The following DCC variants were observed in gnomAD, a reference collection of about 807,000 sequenced individuals.
DCC encodes the protein DCC netrin 1 receptor, also known as netrin receptor DCC.
In DCC, 58 loss-of-function variants were observed where a neutral mutation model predicts 172.5. The ratio of observed to expected loss-of-function variants is 0.34; its 90% CI spans 0.27 to 0.42. The LOEUF is 0.42. DCC is among the 10% of genes least tolerant of loss of function. DCC has a pLI of 1.00. For missense variants in DCC, 1,740 were observed against 1,791.0 expected, an observed-to-expected ratio of 0.97 and a Z score of 0.51; for synonymous variants, 709 against 644.5, an observed-to-expected ratio of 1.10 and a Z score of -1.52.
chr18:52,717,258 T>C (rs760375803), intron 1 of DCC, among the ~76,000 whole-genome samples: 19 of 152,058 alleles, frequency 1.2e-4, no homozygotes, highest in Non-Finnish European at 2.8e-4. Context: ...ATAAAAGTGT[T>C]TTATTTTAGG....
At chr18:53,177,800 T>G (rs1244612142) in intron 8 of DCC, among the ~76,000 whole-genome samples, 1 of 152,174 alleles carries the variant, frequency 6.6e-6, no homozygotes, top group Non-Finnish European at 1.5e-5. Context: ...AAATACGGTC[T>G]AGTACATGAA....
intron 15 of DCC, among the ~76,000 whole-genome samples, chr18:53,350,322 T>G (rs181375030): frequency 6.6e-6 from 1 of 152,170 alleles, no homozygotes; most frequent in African/African-American, 2.4e-5. Flanking sequence ...GACTATACAA[T>G]TAAAACTTTT....
At chr18:52,485,793 C>A (rs946426794) in intron 1 of DCC, among the ~76,000 whole-genome samples, 2 of 152,042 alleles carry the variant, frequency 1.3e-5, no homozygotes, top group African/African-American at 4.8e-5. Flanking sequence ...ACATGCAAAG[C>A]AACCTCTTTT....
chr18:53,177,061 C>G (rs1045643653), intron 8 of DCC, among the ~76,000 whole-genome samples: 1 of 151,838 alleles, frequency 6.6e-6, no homozygotes, highest in African/African-American at 2.4e-5. Flanking sequence ...TCATCATTCT[C>G]AGTAAACTAT....
chr18:52,670,729 A>G (rs540211959), intron 1 of DCC, among the ~76,000 whole-genome samples: 14 of 152,138 alleles, frequency 9.2e-5, no homozygotes, highest in African/African-American at 3.1e-4. Context: ...AATTCCATCT[A>G]TTTGGGAGAC....
At chr18:53,263,712 T>C (rs550001356) in intron 12 of DCC, among the ~76,000 whole-genome samples, 8 of 152,188 alleles carry the variant, frequency 5.3e-5, no homozygotes, top group Non-Finnish European at 1.0e-4. Context: ...GGTTTTGCAT[T>C]ATAATATTTA....
At position 53,395,397 on chromosome 18, in the gene DCC, C is replaced by G. The variant is rs188578130; in HGVS notation, c.2689-1911C>G. ...TGCCAGTGGTGTCTGTGCTCAGAAACTGTTTTTATTGAGATATGATCTTTC... is the reference window on the plus strand; with the variant it reads ...TGCCAGTGGTGTCTGTGCTCAGAAAGTGTTTTTATTGAGATATGATCTTTC... On this transcript the variant is annotated intron_variant, in intron 17 of 28. Transcript: ENST00000442544. Among the ~76,000 whole-genome samples, 4 of 152,276 alleles carry G rather than the reference C, an allele frequency of 2.6e-5. No individual in the cohort carries two copies. The East Asian group carries it at 7.7e-4, about 29-fold the overall frequency.
intron 7 of DCC, among the ~76,000 whole-genome samples, chr18:53,070,619 C>T (rs2042639459): frequency 1.3e-5 from 2 of 152,124 alleles, no homozygotes; most frequent in African/African-American, 4.8e-5. Context: ...CGTTTAACTC[C>T]TCACTAGAGC....
chr18:53,351,466 G>GTGTGTA (rs1568075540), intron 15 of DCC, among the ~76,000 whole-genome samples: 4 of 37,310 alleles, frequency 1.1e-4, no homozygotes, highest in Admixed American at 7.1e-4. Context: ...TACACAGTGT[G>GTGTGTA]TATATATATA....
In DCC at chr18:53,534,730, A is replaced by T. The variant is rs2046555951; in HGVS notation, c.*4077A>T. ...TTGCTATCTAAATACCTGTTGCCAA[A>T]AAGTATTGATTTGGGAAAAAAAATG... On this transcript the variant is annotated 3_prime_UTR_variant, in exon 29 of 29. Transcript: ENST00000442544. 6.6e-6 allele frequency: 1 copy of T among 152,170 alleles called. No homozygotes were observed. The highest frequency in any genetic ancestry group is 2.4e-5 in the African/African-American group (1 of 41,450). The allele number at this position is 152,170 out of a possible 1,614,324, so 9.4% of individuals were successfully genotyped here. A position where few individuals can be genotyped will look rare whatever the true frequency, so the allele number is the denominator to read the frequency against.
At chr18:52,718,236 T>C (rs1326009152) in intron 1 of DCC, among the ~76,000 whole-genome samples, 1 of 152,174 alleles carries the variant, frequency 6.6e-6, no homozygotes, top group African/African-American at 2.4e-5. Flanking sequence ...CTAAAAAAAT[T>C]AGTTGATTTG....
chr18:53,465,425 A>G (rs2045609020), intron 24 of DCC, among the ~76,000 whole-genome samples: 1 of 152,036 alleles, frequency 6.6e-6, no homozygotes, highest in South Asian at 2.1e-4. Flanking sequence ...GGCCTTCATG[A>G]TTCCTGATGA....
chr18:53,474,870 A>T (rs2045742982), intron 25 of DCC, among the ~76,000 whole-genome samples: 2 of 152,230 alleles, frequency 1.3e-5, no homozygotes, highest in Non-Finnish European at 2.9e-5. Context: ...AAAACAGGAA[A>T]ATGTGGGAAA....
chr18:52,794,117 C>T (rs570037392), intron 2 of DCC, among the ~76,000 whole-genome samples: 6 of 152,004 alleles, frequency 3.9e-5, no homozygotes, highest in African/African-American at 1.4e-4. Context: ...CTCAGTATTG[C>T]TTTGGCTATT....
intron 5 of DCC, among the ~76,000 whole-genome samples, chr18:53,027,261 A>G (rs2041967900): frequency 6.6e-6 from 1 of 152,140 alleles, no homozygotes; most frequent in South Asian, 2.1e-4. Context: ...GGGACACTGG[A>G]GTAAAATCCA....
At chr18:53,455,976 G>C (rs2045477982) in intron 23 of DCC, among the ~76,000 whole-genome samples, 1 of 152,232 alleles carries the variant, frequency 6.6e-6, no homozygotes, top group African/African-American at 2.4e-5. Flanking sequence ...TAAAACAATG[G>C]ATGATGTTGA....
intron 3 of DCC, among the ~76,000 whole-genome samples, chr18:52,906,864 T>A (rs1222239760): frequency 1.4e-5 from 2 of 145,174 alleles, no homozygotes; most frequent in African/African-American, 5.0e-5. Flanking sequence ...TGTTTTTTTT[T>A]ACCAATAAAT....
At chr18:53,013,036 C>G (rs984093731) in intron 5 of DCC, among the ~76,000 whole-genome samples, 1 of 151,982 alleles carries the variant, frequency 6.6e-6, no homozygotes, top group Non-Finnish European at 1.5e-5. Flanking sequence ...CATTTCATAC[C>G]GTTAGAATGG....
At chr18:53,510,326 T>C (rs1460723216) in intron 27 of DCC, among the ~76,000 whole-genome samples, 1 of 152,190 alleles carries the variant, frequency 6.6e-6, no homozygotes, top group Non-Finnish European at 1.5e-5. Context: ...TTTAATATTT[T>C]TTCTGGTGGT....
Sources: gnomAD v4.1 joint callset for allele counts (sites outside exome capture counted in the v4.1 genomes callset) on GRCh38, gnomAD v4.1.1 for gene constraint, MANE v1.5 for transcripts, NCBI Gene and HGNC (gene_info 2026-07-23, HGNC 2026-07-21) for gene names.